CPNE4: variants seen among roughly 807,000 people sequenced by gnomAD.
CPNE4 encodes the protein copine-4.
A neutral mutation model predicts 67.9 loss-of-function variants in CPNE4; 25 were observed. That is an observed-to-expected ratio of 0.37 (90% CI 0.27 to 0.51). The LOEUF (loss-of-function observed/expected upper bound fraction) is 0.51, where lower values mean the gene tolerates loss of function less well. Ranked by LOEUF, CPNE4 falls within the 20% of genes least tolerant of loss-of-function variation. The pLI, the probability that CPNE4 is intolerant of heterozygous loss-of-function variation, is 0.93. For synonymous variants in CPNE4, 242 were observed against 244.9 expected, an observed-to-expected ratio of 0.99 and a Z score of 0.11; for missense variants, 464 against 690.8, an observed-to-expected ratio of 0.67 and a Z score of 3.68.
chr3:131,903,931 G>A (rs2088646897), intron 2 of CPNE4, among the ~76,000 whole-genome samples: 1 of 152,076 alleles, frequency 6.6e-6, no homozygotes, highest in East Asian at 1.9e-4. Context: ...TTTTCCTAGA[G>A]CTTCTCTCCA....
At chr3:131,618,004 A>T (rs571951749) in intron 7 of CPNE4, among the ~76,000 whole-genome samples, 2 of 152,246 alleles carry the variant, frequency 1.3e-5, no homozygotes, top group African/African-American at 4.8e-5. Context: ...AGACACACAG[A>T]TAACAAGATG....
At chr3:131,764,406 T>C (rs1380079177) in intron 2 of CPNE4, among the ~76,000 whole-genome samples, 1 of 152,176 alleles carries the variant, frequency 6.6e-6, no homozygotes, top group African/African-American at 2.4e-5. Context: ...TGCTTATCTC[T>C]TAGTTCTAAT....
intron 2 of CPNE4, among the ~76,000 whole-genome samples, chr3:131,845,485 CAT>C (rs2085961797): frequency 6.6e-6 from 1 of 152,212 alleles, no homozygotes; most frequent in Admixed American, 6.5e-5. Context: ...CCCATTTAAT[CAT>C]AGTCAAATCT....
intron 7 of CPNE4, among the ~76,000 whole-genome samples, chr3:131,595,637 G>A (rs552312370): frequency 5.1e-4 from 77 of 152,244 alleles, no homozygotes; most frequent in South Asian, 1.2e-3. Context: ...GAGAGAGTGA[G>A]GGAGGAGGAG....
intron 1 of CPNE4, among the ~76,000 whole-genome samples, chr3:131,971,276 T>C (rs1031973907): frequency 4.6e-5 from 7 of 152,214 alleles, no homozygotes; most frequent in Non-Finnish European, 1.0e-4. Flanking sequence ...CAAGACTTCT[T>C]ATGACCTAGA....
At chr3:131,912,326 G>A (rs1450408872) in intron 1 of CPNE4, among the ~76,000 whole-genome samples, 1 of 152,142 alleles carries the variant, frequency 6.6e-6, no homozygotes, top group Non-Finnish European at 1.5e-5. Context: ...CAAGAGGGAA[G>A]AGAATCAGCT....
intron 2 of CPNE4, among the ~76,000 whole-genome samples, chr3:131,838,360 T>C (rs2085638892): frequency 6.6e-6 from 1 of 151,854 alleles, no homozygotes; most frequent in Admixed American, 6.6e-5. Context: ...GCACTAGTCT[T>C]ATTAGAGCAC....
At chr3:131,647,418 A>T (rs548296851) in intron 7 of CPNE4, among the ~76,000 whole-genome samples, 8 of 152,294 alleles carry the variant, frequency 5.3e-5, no homozygotes, top group African/African-American at 1.7e-4. Context: ...GGAATGTAGG[A>T]CGTGGAAGGA....
At chr3:131,851,165 C>G (rs1320360211) in intron 2 of CPNE4, among the ~76,000 whole-genome samples, 2 of 151,858 alleles carry the variant, frequency 1.3e-5, no homozygotes, top group Non-Finnish European at 2.9e-5. Context: ...GAAAATTCAC[C>G]AAATGGATTA....
intron 1 of CPNE4, among the ~76,000 whole-genome samples, chr3:132,028,365 C>T (rs2074160540): frequency 6.6e-6 from 1 of 152,182 alleles, no homozygotes; most frequent in Admixed American, 6.5e-5. Flanking sequence ...CACTTAACAG[C>T]ACAATTTCAA....
At chr3:131,831,745 T>C (rs151300497) in intron 2 of CPNE4, among the ~76,000 whole-genome samples, 4 of 152,318 alleles carry the variant, frequency 2.6e-5, no homozygotes, top group African/African-American at 4.8e-5. Flanking sequence ...ACATCATCTC[T>C]TGTGTCACTA....
chr3:131,805,169 G>A (rs572071111), intron 2 of CPNE4, among the ~76,000 whole-genome samples: 9 of 152,256 alleles, frequency 5.9e-5, no homozygotes, highest in African/African-American at 2.2e-4. Flanking sequence ...ACTACCTGCT[G>A]CAAAACTGAA....
intron 1 of CPNE4, among the ~76,000 whole-genome samples, chr3:132,012,300 C>G (rs2073786739): frequency 6.6e-6 from 1 of 151,692 alleles, no homozygotes; most frequent in African/African-American, 2.4e-5. Flanking sequence ...TCCTGAGTAG[C>G]TAGAATTACA....
At chr3:132,024,978 A>G (rs1370427960) in intron 1 of CPNE4, among the ~76,000 whole-genome samples, 3 of 152,190 alleles carry the variant, frequency 2.0e-5, no homozygotes, top group Admixed American at 1.3e-4. Context: ...TAGCATCAGT[A>G]TCACCTTTAG....
At chr3:131,666,191 T>C (rs1472638746) in intron 7 of CPNE4, among the ~76,000 whole-genome samples, 1 of 152,130 alleles carries the variant, frequency 6.6e-6, no homozygotes, top group Non-Finnish European at 1.5e-5. Flanking sequence ...GGAATGGAAG[T>C]TAATCTTTTC....
intron 3 of CPNE4, among the ~76,000 whole-genome samples, chr3:131,713,536 A>G (rs1290251375): frequency 3.3e-5 from 5 of 152,218 alleles, no homozygotes; most frequent in Non-Finnish European, 7.3e-5. Context: ...ATCATTGACT[A>G]TTAGAACTGG....
At chr3:131,762,438 G>A (rs1388207097) in intron 2 of CPNE4, among the ~76,000 whole-genome samples, 6 of 152,014 alleles carry the variant, frequency 3.9e-5, no homozygotes, top group African/African-American at 1.2e-4. Flanking sequence ...AAGAAACTGA[G>A]GGTCATAGTG....
chr3:131,667,122 A>G (rs150212691), intron 7 of CPNE4, among the ~76,000 whole-genome samples: 385 of 152,264 alleles, frequency 2.5e-3, no homozygotes, highest in African/African-American at 8.5e-3. Context: ...TGTGACTTTC[A>G]TTGGCACTTT....
At chr3:131,644,335 G>A (rs74545418) in intron 7 of CPNE4, among the ~76,000 whole-genome samples, 2,351 of 152,054 alleles carry the variant, frequency 0.015, 53 homozygotes, top group African/African-American at 0.053. Flanking sequence ...TTTTATTGGA[G>A]ACAGGGTTTC....
Sources: allele counts gnomAD v4.1 joint callset (sites outside exome capture counted in the v4.1 genomes callset), GRCh38; gene constraint gnomAD v4.1.1; transcripts MANE v1.5; gene names NCBI Gene and HGNC (gene_info 2026-07-23, HGNC 2026-07-21).